The following SEMA4B variants were observed in gnomAD, a reference collection of about 807,000 sequenced individuals.
SEMA4B encodes the protein semaphorin-4B.
A neutral mutation model predicts 88.1 loss-of-function variants in SEMA4B; 55 were observed. That is an observed-to-expected ratio of 0.62 (90% CI 0.50 to 0.78). SEMA4B has a LOEUF of 0.78. Among genes scored for constraint, SEMA4B ranks in the 30% least tolerant of loss-of-function variants. SEMA4B has a pLI of 0.00. For missense variants in SEMA4B, 1,062 were observed against 1,111.9 expected (o/e 0.96, Z 0.64); for synonymous variants, 525 against 473.6 (o/e 1.11, Z -1.41).
intron 4 of SEMA4B, 54 bp from the exon 5 acceptor site, chr15:90,220,928 C>T: frequency 1.7e-6 from 2 of 1,196,072 alleles, no homozygotes; most frequent in South Asian, 1.3e-5. Flanking sequence ...TCTCACCAAG[C>T]CTGCTCCTCA....
chr15:90,221,254 C>G, intron 5 of SEMA4B, 113 bp from the exon 6 acceptor site: 1 of 1,158,622 alleles, frequency 8.6e-7, no homozygotes, highest in East Asian at 2.6e-5. Flanking sequence ...GTTCCAGCTT[C>G]CTTCTCTGCC....
chr15:90,220,440 T>C (rs975260074), intron 4 of SEMA4B, among the ~76,000 whole-genome samples: 2 of 147,816 alleles, frequency 1.4e-5, no homozygotes, highest in Admixed American at 6.8e-5. Context: ...CGATCTCGGC[T>C]CACTGCAAGC....
At position 90,225,710 on chromosome 15, in the gene SEMA4B, C is replaced by T. The variant is rs115820812; in HGVS notation, c.1571C>T (p.Ala524Val). The T allele has an allele frequency of 4.6e-3, 7,182 of 1,567,674 alleles. 206 individuals carry two copies. The African/African-American group carries it at 0.071, about 16-fold the overall frequency. ...TCGGGCGTAGTCCAGGTGCCCATGG[C>T]CAACTGCAGCCTGTACAGGAGCTGT... is the stretch of plus-strand genomic sequence containing the variant. The part of the protein sequence containing the change: ...SHSGVVQVPM[A>V]NCSLYRSCGD... The change falls in exon 12 of 14, where the codon GCC (alanine) becomes GTC (valine). Residue 524 changes from alanine to valine, a missense_variant. Ala to Val is a moderately conservative substitution (Grantham distance 64, BLOSUM62 0). Coordinates refer to ENST00000411539, the MANE Select transcript of SEMA4B (RefSeq NM_198925.4).
chr15:90,219,498 G>A (rs1285820573), intron 3 of SEMA4B: 1 of 323,376 alleles, frequency 3.1e-6, no homozygotes, highest in Admixed American at 4.7e-5. Flanking sequence ...AGAGGATGCT[G>A]CTGGGGAATA....
upstream of SEMA4B, among the ~76,000 whole-genome samples, chr15:90,197,812 T>A (rs115789142): frequency 0.022 from 3,335 of 152,170 alleles, 114 homozygotes; most frequent in African/African-American, 0.075. Flanking sequence ...GATGACCCCA[T>A]ACTGGAAGGG....
intron 1 of SEMA4B, among the ~76,000 whole-genome samples, chr15:90,194,919 G>C (rs1260908959): frequency 6.6e-6 from 1 of 152,112 alleles, no homozygotes; most frequent in Admixed American, 6.6e-5. Context: ...GCTTCAGCAG[G>C]TGTCTCTGAA....
At chr15:90,219,946 C>A in intron 4 of SEMA4B, 55 bp downstream of exon 4, 1 of 1,334,658 alleles carries the variant, frequency 7.5e-7, no homozygotes, top group Non-Finnish European at 1.1e-6. Flanking sequence ...CCTCTTTCTG[C>A]CCCAGGGATC....
At chr15:90,220,081 T>G in intron 4 of SEMA4B, 190 bp downstream of exon 4, 1 of 538,940 alleles carries the variant, frequency 1.9e-6, no homozygotes, top group Non-Finnish European at 3.3e-6. Flanking sequence ...CAGCCATGTC[T>G]CCCTGTGCGG....
At chr15:90,216,359 A>AT (rs1961534055) in intron 1 of SEMA4B, among the ~76,000 whole-genome samples, 1 of 151,822 alleles carries the variant, frequency 6.6e-6, no homozygotes, top group Admixed American at 6.6e-5. Flanking sequence ...TCTCCCTTCC[A>AT]TTCCTCCCCC....
chr15:90,222,235 C>T (rs75156610), intron 7 of SEMA4B, among the ~76,000 whole-genome samples: 26,760 of 140,896 alleles, frequency 0.19, 3,195 homozygotes, highest in East Asian at 0.64. Context: ...CCACTGCACC[C>T]AGCCATTTTT....
At chr15:90,201,255 G>A (rs1019874220), upstream of SEMA4B, 9 of 1,019,340 alleles carry the variant, frequency 8.8e-6, no homozygotes, top group Non-Finnish European at 1.1e-5. Flanking sequence ...GCCAGCGCCC[G>A]GGAAGGAGGA....
chr15:90,224,233 C>G (rs1332531772), intron 9 of SEMA4B, among the ~76,000 whole-genome samples: 1 of 152,242 alleles, frequency 6.6e-6, no homozygotes, highest in Non-Finnish European at 1.5e-5. Context: ...GCACTTGCTG[C>G]AGGCTGTTAC....
chr15:90,206,639 A>G, intron 1 of SEMA4B: 1 of 654,256 alleles, frequency 1.5e-6, no homozygotes, highest in Non-Finnish European at 2.8e-6. Context: ...GCTGTTGAAG[A>G]CAGCCCTCAT....
chr15:90,224,442 A>G (rs1962035919), intron 9 of SEMA4B, among the ~76,000 whole-genome samples: 1 of 152,242 alleles, frequency 6.6e-6, no homozygotes, highest in African/African-American at 2.4e-5. Flanking sequence ...AGGAAGCAGC[A>G]TGAAGGAATA....
Position 90,221,883 on chromosome 15 carries a change from A to C in SEMA4B, c.861+118A>C, listed in dbSNP as rs1596153530. 5.7e-6 allele frequency: 5 copies of C among 884,308 alleles called. No individual in the cohort carries two copies. The East Asian group carries it at 1.1e-4, about 20-fold the overall frequency. 54.8% of individuals were successfully genotyped at this position (884,308 alleles called of 1,614,324 possible). A position where few individuals can be genotyped will look rare whatever the true frequency, so the allele number is the denominator to read the frequency against. On this transcript the variant is annotated intron_variant, in intron 7 of 13. Transcript: ENST00000411539. ...TCCCGCCAAGGAGTACAGCTTGGCT[A>C]ACAGCTTTTCTCTCTCACCTTTTAA...
intron 7 of SEMA4B, 29 bp from the exon 8 acceptor site, chr15:90,223,530 A>G (rs374985124): frequency 3.9e-6 from 6 of 1,540,982 alleles, no homozygotes; most frequent in Middle Eastern, 4.1e-4. Flanking sequence ...GCATGTGCCT[A>G]AGCCCAGCCC....
rs767639844 is a variant in SEMA4B, at chr15:90,228,513, C to CG, written c.2388dup (p.Ser797ValfsTer6). 5 of 1,611,442 alleles carry CG rather than the reference C, an allele frequency of 3.1e-6. No homozygotes were observed. Among genetic ancestry groups the CG allele is most frequent in the African/African-American group, 1.3e-5 (1 of 75,018 alleles). ...TACCAGTCCCTGTCAGACAGCCCCC[C>CG]GGGGTCCCGAGTCTTCACTGAGTCA... On this transcript the variant is annotated frameshift_variant, in exon 14 of 14. Coordinates refer to ENST00000411539, the MANE Select transcript of SEMA4B (RefSeq NM_198925.4). LOFTEE classifies it high-confidence loss of function.
chr15:90,220,927 G>A, intron 4 of SEMA4B, 55 bp from the exon 5 acceptor site: 1 of 1,188,330 alleles, frequency 8.4e-7, no homozygotes, highest in South Asian at 1.3e-5. Context: ...TTCTCACCAA[G>A]CCTGCTCCTC....
At position 90,201,545 on chromosome 15, in the gene SEMA4B, C is replaced by G. The variant is rs768328093; in HGVS notation, c.-34C>G. 3.5e-6 allele frequency: 5 copies of G among 1,423,962 alleles called. No individual in the cohort carries two copies. The highest frequency in any genetic ancestry group is 1.5e-5 in the African/African-American group (1 of 67,008). The allele number at this position is 1,423,962 out of a possible 1,614,324, so 88.2% of individuals were successfully genotyped here. ...TGAGTCCGGCCGAGCCACCTGAGCC[C>G]GAGCCGCGGGACACCGTCGCTCCTG... is the stretch of plus-strand genomic sequence containing the variant. On this transcript the variant is annotated 5_prime_UTR_variant, in exon 1 of 14. Coordinates refer to ENST00000411539, the MANE Select transcript of SEMA4B (RefSeq NM_198925.4).
Sources: allele counts gnomAD v4.1 joint callset (sites outside exome capture counted in the v4.1 genomes callset), GRCh38; gene constraint gnomAD v4.1.1; transcripts MANE v1.5; gene names NCBI Gene and HGNC (gene_info 2026-07-23, HGNC 2026-07-21).